CD6: variants seen among roughly 807,000 people sequenced by gnomAD.
CD6 encodes CD6 molecule.
CD6 carries 53 observed loss-of-function variants against 75.3 expected under a neutral mutation model. The ratio of observed to expected loss-of-function variants is 0.70; its 90% CI spans 0.56 to 0.88. The LOEUF (loss-of-function observed/expected upper bound fraction) is 0.88, where lower values mean the gene tolerates loss of function less well. CD6 is among the 40% of genes least tolerant of loss of function. CD6 has a pLI of 0.00. For synonymous variants in CD6, 359 were observed against 381.5 expected, an observed-to-expected ratio of 0.94 and a Z score of 0.69; for missense variants, 770 against 897.1, an observed-to-expected ratio of 0.86 and a Z score of 1.81.
At chr11:60,974,811 C>T (rs142603251) in intron 1 of CD6, among the ~76,000 whole-genome samples, 3 of 152,316 alleles carry the variant, frequency 2.0e-5, no homozygotes, top group African/African-American at 7.2e-5. Context: ...TCACCATTGA[C>T]TGTGCTTCTT....
chr11:60,991,096 T>C (rs1376441770), intron 1 of CD6, among the ~76,000 whole-genome samples: 1 of 151,662 alleles, frequency 6.6e-6, no homozygotes, highest in Non-Finnish European at 1.5e-5. Flanking sequence ...ATCTATGAGG[T>C]ATCATCAGCC....
intron 1 of CD6, among the ~76,000 whole-genome samples, chr11:60,976,129 T>C (rs1229063584): frequency 6.6e-6 from 1 of 152,206 alleles, no homozygotes; most frequent in Non-Finnish European, 1.5e-5. Context: ...TGGAGTGTTG[T>C]ACATTGTACC....
intron 6 of CD6, among the ~76,000 whole-genome samples, 192 bp from the exon 7 acceptor site, chr11:61,013,231 G>A (rs1255659223): frequency 2.6e-5 from 4 of 152,206 alleles, no homozygotes; most frequent in African/African-American, 7.2e-5. Flanking sequence ...AATTGCTCAT[G>A]CATTCAATAT....
Position 61,015,749 on chromosome 11 carries a change from CT to C in CD6, c.1425del (p.Glu476ArgfsTer24), listed in dbSNP as rs1267828558. The C allele has an allele frequency of 1.2e-6, 2 of 1,614,216 alleles. No individual in the cohort carries two copies. Among genetic ancestry groups the C allele is most frequent in the Non-Finnish European group, 1.7e-6 (2 of 1,180,024 alleles). On this transcript the variant is annotated frameshift_variant, in exon 9 of 13. Transcript: ENST00000313421. LOFTEE classifies it high-confidence loss of function. Reference sequence around the variant, plus strand: ...CCCATCCAGGTCCAGGCCCCGCCCCCTGAGGACTCAGACTCTGGCTCGGACT... The same window carrying C: ...CCCATCCAGGTCCAGGCCCCGCCCCCGAGGACTCAGACTCTGGCTCGGACT... ...MLPIQVQAPP[P>X]EDSDSGSDSD... is the part of the protein sequence containing the mutation.
In CD6 at chr11:61,015,549, C is replaced by T. The variant is rs928029825; in HGVS notation, c.1388-164C>T. On this transcript the variant is annotated intron_variant, in intron 8 of 12. Coordinates refer to ENST00000313421, the MANE Select transcript of CD6 (RefSeq NM_006725.5). ...TGGCACCACTGTACTCCAGCCTGGA[C>T]AACAGAGTGAGACCCTGTCCCAGAA... is the stretch of plus-strand genomic sequence containing the variant. The T allele has an allele frequency of 1.1e-5, 9 of 784,846 alleles. No individual in the cohort carries two copies. The African/African-American group carries it at 1.4e-4, about 12-fold the overall frequency. 48.6% of individuals were successfully genotyped at this position (784,846 alleles called of 1,614,324 possible). A position where few individuals can be genotyped will look rare whatever the true frequency, so the allele number is the denominator to read the frequency against.
chr11:60,981,943 C>G (rs968250638), intron 1 of CD6, among the ~76,000 whole-genome samples: 14 of 151,756 alleles, frequency 9.2e-5, no homozygotes, highest in African/African-American at 3.4e-4. Flanking sequence ...GGGTCTCCAC[C>G]GTGTGCTAGG....
chr11:60,975,002 G>T (rs1394578504), intron 1 of CD6, among the ~76,000 whole-genome samples: 1 of 152,140 alleles, frequency 6.6e-6, no homozygotes. Context: ...CGAGGTCCTC[G>T]AGGGCTGCCT....
intron 8 of CD6, among the ~76,000 whole-genome samples, chr11:61,014,880 C>T (rs779245501): frequency 2.6e-5 from 4 of 152,068 alleles, no homozygotes; most frequent in South Asian, 2.1e-4. Flanking sequence ...GACATAAAAA[C>T]CAATACAAAA....
rs1191134747 is a variant in CD6, at chr11:61,017,534, G to T, written c.1566G>T (p.Met522Ile). Reference protein sequence around the residue: ...DEEVQQSRFQMPPLEEGLEEL... With the variant: ...DEEVQQSRFQIPPLEEGLEEL... ...AGGTCCAGCAAAGCAGGTTCCAGAT[G>T]CCACCCTTGGAGGAAGGTGAGTCAG... The change falls in exon 10 of 13, where the codon ATG becomes ATT. Residue 522 changes from methionine to isoleucine, a missense_variant. Coordinates refer to ENST00000313421, the MANE Select transcript of CD6 (RefSeq NM_006725.5). 5 of 1,553,856 alleles carry T rather than the reference G, an allele frequency of 3.2e-6. No homozygotes were observed. In the African/African-American group the frequency reaches 6.9e-5, roughly 21 times the overall value.
chr11:60,987,600 T>G (rs1035180293), intron 1 of CD6, among the ~76,000 whole-genome samples: 4 of 151,200 alleles, frequency 2.6e-5, no homozygotes, highest in African/African-American at 7.3e-5. Flanking sequence ...GGTGGGGGGG[T>G]ATGGAGAAAG....
At chr11:61,014,041 G>A (rs1449829036) in intron 8 of CD6, 27 bp downstream of exon 8, 1 of 1,535,106 alleles carries the variant, frequency 6.5e-7, no homozygotes, top group East Asian at 2.3e-5. Context: ...CCTGGGTGTG[G>A]GAGGGCTGGG....
chr11:61,018,019 C>G lies in CD6; in HGVS notation c.1837+6C>G. The G allele has an allele frequency of 3.1e-6, 5 of 1,609,552 alleles. No homozygotes were observed. The highest frequency in any genetic ancestry group is 4.2e-6 in the Non-Finnish European group (5 of 1,179,328). ...CACCCAGCCAGCCTTTTCAGGTAAG[C>G]TGTGCCTCCCCCAAACCCCCATCCC... is the stretch of plus-strand genomic sequence containing the variant. On this transcript the variant is annotated splice_donor_region_variant and intron_variant, in intron 11 of 12. Coordinates refer to ENST00000313421, the MANE Select transcript of CD6 (RefSeq NM_006725.5).
Position 61,007,808 on chromosome 11 carries a change from G to C in CD6, c.367G>C (p.Gly123Arg), listed in dbSNP as rs1329628591. 8.2e-6 allele frequency: 12 copies of C among 1,471,858 alleles called. No homozygotes were observed. Among genetic ancestry groups the C allele is most frequent in the Non-Finnish European group, 1.1e-5 (12 of 1,115,512 alleles). 91.2% of individuals were successfully genotyped at this position (1,471,858 alleles called of 1,614,324 possible). Residue 123 changes from glycine to arginine, a missense_variant, in exon 3 of 13, where the codon GGG (glycine) becomes CGG (arginine). By Grantham distance (125) the Gly-to-Arg change is moderately radical (BLOSUM62 -2). Transcript: ENST00000313421. The surrounding 1 kb of genome is among the most constrained non-coding windows in gnomAD (Gnocchi z 4.2). ...TSVAANATLA[G>R]APALLCSGAE... Reference sequence around the variant, plus strand: ...CGTAGCAGCTAATGCCACTCTGGCCGGGGCGCCCGCCCTCCTGTGCAGCGG... The same window carrying C: ...CGTAGCAGCTAATGCCACTCTGGCCCGGGCGCCCGCCCTCCTGTGCAGCGG...
chr11:60,974,396 G>A (rs1334614016), intron 1 of CD6, among the ~76,000 whole-genome samples: 4 of 152,150 alleles, frequency 2.6e-5, no homozygotes, highest in African/African-American at 4.8e-5. Context: ...ACAGGCATGC[G>A]CCACGACGCC....
chr11:60,977,105 G>C (rs751854911), intron 1 of CD6, among the ~76,000 whole-genome samples: 2 of 152,162 alleles, frequency 1.3e-5, no homozygotes, highest in Non-Finnish European at 1.5e-5. Flanking sequence ...GAGGGATCTA[G>C]AATGAGTGAG....
rs150172491 is a variant in CD6 at position 61,017,493 on chromosome 11, C to T, written c.1525C>T (p.Arg509Trp). The T allele has an allele frequency of 1.4e-5, 22 of 1,549,492 alleles. No homozygotes were observed. Among genetic ancestry groups the T allele is most frequent in the African/African-American group, 4.1e-5 (3 of 72,732 alleles). ...LTTFYNSQRH[R>W]VTDEEVQQSR... ...TCTGCTTGCAGATTCCCAGCGGCATCGGGTCACAGATGAGGAGGTCCAGCA... is the reference window on the plus strand; with the variant it reads ...TCTGCTTGCAGATTCCCAGCGGCATTGGGTCACAGATGAGGAGGTCCAGCA... Residue 509 changes from arginine (R) to tryptophan (W), a missense_variant, in exon 10 of 13, where the codon CGG (arginine) becomes TGG (tryptophan). Arg to Trp is a moderately radical substitution (Grantham distance 101). Transcript: ENST00000313421.
intron 1 of CD6, among the ~76,000 whole-genome samples, chr11:60,977,962 T>C (rs767668300): frequency 2.0e-5 from 3 of 152,236 alleles, no homozygotes; most frequent in Non-Finnish European, 4.4e-5. Flanking sequence ...TCTAGCCAGA[T>C]GCATTTGCTG....
intron 7 of CD6, 151 bp downstream of exon 7, chr11:61,013,714 C>T: frequency 2.2e-6 from 2 of 905,226 alleles, no homozygotes; most frequent in East Asian, 2.4e-5. Context: ...GCATGCCCAG[C>T]AGTCATGGAC....
Position 61,019,755 on chromosome 11 carries a change from C to T in CD6, c.*437C>T, listed in dbSNP as rs1305689063. ...CCTGCGAGGGGCAGAACTGGACCCC[C>T]ATGCCAGTGCTGCTGCAGGAGGGCC... On this transcript the variant is annotated 3_prime_UTR_variant, in exon 13 of 13. Transcript: ENST00000313421. The T allele has an allele frequency of 5.9e-6, 1 of 168,984 alleles. No homozygotes were observed. Among genetic ancestry groups the T allele is most frequent in the East Asian group, 1.6e-4 (1 of 6,122 alleles). 10.5% of individuals were successfully genotyped at this position (168,984 alleles called of 1,614,324 possible).
Sources: allele counts gnomAD v4.1 joint callset (sites outside exome capture counted in the v4.1 genomes callset), GRCh38; gene constraint gnomAD v4.1.1; non-coding constraint Gnocchi (gnomAD v3.1); transcripts MANE v1.5; gene names NCBI Gene and HGNC (gene_info 2026-07-23, HGNC 2026-07-21).